Variants in ADAMDEC1 observed in about 807,000 individuals in gnomAD.
ADAMDEC1 encodes the protein ADAM like decysin 1.
A neutral mutation model predicts 60.4 loss-of-function variants in ADAMDEC1; 62 were observed. The ratio of observed to expected loss-of-function variants is 1.03; its 90% CI spans 0.84 to 1.27. The LOEUF (loss-of-function observed/expected upper bound fraction) is 1.27. Among genes scored for constraint, ADAMDEC1 ranks in the 50% most tolerant of loss-of-function variants. The probability of loss-of-function intolerance (pLI) is 0.00; values close to 1 mark genes in which losing one functional copy is unlikely to be tolerated. For missense variants in ADAMDEC1, 595 were observed against 565.0 expected (o/e 1.05, Z -0.54); for synonymous variants, 210 against 195.1 (o/e 1.08, Z -0.64).
intron 5 of ADAMDEC1, among the ~76,000 whole-genome samples, chr8:24,396,281 C>T (rs768093277): frequency 9.2e-5 from 14 of 152,076 alleles, no homozygotes; most frequent in Non-Finnish European, 5.9e-5. Context: ...GAGGGCGAGG[C>T]GGGCAGATCA....
rs375249809 is a variant in ADAMDEC1, at chr8:24,402,046, A to T, written c.1274A>T (p.Asn425Ile). ...ATAATGACAACACCAGTGTGTGGGA[A>T]CCACCTTCTAGAAGTGGGAGAAGAC... ...TNIMTTPVCG[N>I]HLLEVGEDCD... Residue 425 changes from asparagine to isoleucine, a missense_variant, in exon 12 of 14, where the codon AAC (asparagine) becomes ATC (isoleucine). Physicochemically the swap from Asn to Ile is moderately radical, Grantham distance 149. Transcript: ENST00000256412. The T allele has an allele frequency of 1.2e-4, 192 of 1,612,844 alleles. No individual in the cohort carries two copies. Among genetic ancestry groups the T allele is most frequent in the Non-Finnish European group, 1.6e-4 (186 of 1,179,256 alleles).
At chr8:24,386,347 T>G (rs77622357) in intron 1 of ADAMDEC1, among the ~76,000 whole-genome samples, 3,553 of 152,322 alleles carry the variant, frequency 0.023, 136 homozygotes, top group African/African-American at 0.082. Context: ...TACCATCATT[T>G]TTAACAGTGC....
rs750384295 is a variant in ADAMDEC1 at position 24,397,334 on chromosome 8, G to A, written c.505G>A (p.Glu169Lys). ...IKPLKSTDEK[E>K]HAVFTSNQEE... is the part of the protein sequence containing the mutation. Reference sequence around the variant, plus strand: ...ACCTCTGAAAAGCACAGACGAGAAAGAACATGCCGTCTTTACATCTAACCA... The same window carrying A: ...ACCTCTGAAAAGCACAGACGAGAAAAAACATGCCGTCTTTACATCTAACCA... Residue 169 changes from glutamate (E) to lysine (K), a missense_variant, in exon 6 of 14, where the codon GAA becomes AAA. Glu to Lys is a moderately conservative substitution (Grantham distance 56, BLOSUM62 1). Transcript: ENST00000256412. 28 of 1,613,894 alleles carry A rather than the reference G, an allele frequency of 1.7e-5. No individual in the cohort carries two copies. The East Asian group carries it at 6.0e-4, about 35-fold the overall frequency.
intron 10 of ADAMDEC1, 134 bp downstream of exon 10, chr8:24,399,608 G>T: frequency 1.3e-6 from 1 of 789,884 alleles, no homozygotes; most frequent in Non-Finnish European, 2.2e-6. Context: ...CTACTGGTAG[G>T]TCATTGCACT....
chr8:24,391,076 C>T (rs1817434363), intron 1 of ADAMDEC1, among the ~76,000 whole-genome samples: 1 of 152,152 alleles, frequency 6.6e-6, no homozygotes, highest in Non-Finnish European at 1.5e-5. Flanking sequence ...TTCTAGATTT[C>T]CTGTTTTAGT....
rs1170780623 is a variant in ADAMDEC1, at chr8:24,394,123, A to T, written c.339A>T (p.Glu113Asp). The change falls in exon 4 of 14, where the codon GAA becomes GAT. Residue 113 changes from glutamate (E) to aspartate (D), a missense_variant. Coordinates refer to ENST00000256412, the MANE Select transcript of ADAMDEC1 (RefSeq NM_014479.3). ...CATTGTACTCACCCAGAGGAGAGGA[A>T]ATTACCACGAAACCTGAGAACATGG... ...TETLYSPRGE[E>D]ITTKPENMEH... The T allele has an allele frequency of 6.2e-7, 1 of 1,613,066 alleles. No homozygotes were observed. Among genetic ancestry groups the T allele is most frequent in the South Asian group, 1.1e-5 (1 of 91,054 alleles).
chr8:24,392,886 G>GTTTTTTTTTTT (rs34415946), intron 2 of ADAMDEC1, among the ~76,000 whole-genome samples: 2 of 50,384 alleles, frequency 4.0e-5, no homozygotes, highest in Non-Finnish European at 8.3e-5. Context: ...GGGTTGAGAG[G>GTTTTTTTTTTT]TTTTTTTTTT....
intron 13 of ADAMDEC1, 74 bp downstream of exon 13, chr8:24,404,162 G>A: frequency 3.0e-6 from 4 of 1,344,612 alleles, no homozygotes; most frequent in Non-Finnish European, 4.2e-6. Flanking sequence ...ATATGCCACT[G>A]GGTTCCATAA....
chr8:24,397,737 A>G lies in ADAMDEC1; in HGVS notation c.682A>G (p.Asn228Asp), dbSNP rs775171847. ...CATTGATCTCTATTTGGTGCTGGATAATGCCTTTGTGAGTATGAAACACAC... is the reference window on the plus strand; with the variant it reads ...CATTGATCTCTATTTGGTGCTGGATGATGCCTTTGTGAGTATGAAACACAC... ...KYIDLYLVLD[N>D]AFYKNYNENL... Residue 228 changes from asparagine (N) to aspartate (D), a missense_variant, in exon 7 of 14, where the codon AAT becomes GAT. Physicochemically the swap from Asn to Asp is conservative, Grantham distance 23 (BLOSUM62 1). Coordinates refer to ENST00000256412, the MANE Select transcript of ADAMDEC1 (RefSeq NM_014479.3). 1 of 1,613,140 alleles carries G rather than the reference A, an allele frequency of 6.2e-7. No individual in the cohort carries two copies. Among genetic ancestry groups the G allele is most frequent in the Non-Finnish European group, 8.5e-7 (1 of 1,179,518 alleles).
At chr8:24,401,859 C>T in intron 11 of ADAMDEC1, 56 bp from the exon 12 acceptor site, 1 of 1,309,616 alleles carries the variant, frequency 7.6e-7, no homozygotes, top group Non-Finnish European at 1.1e-6. Flanking sequence ...TTCTGTGTTT[C>T]ACGCAGAAGG....
At chr8:24,396,647 T>TA (rs891748548) in intron 5 of ADAMDEC1, among the ~76,000 whole-genome samples, 70 of 149,814 alleles carry the variant, frequency 4.7e-4, no homozygotes, top group East Asian at 9.7e-4. Context: ...AGCATTGAAA[T>TA]AAAAAAAAAA....
At position 24,392,264 on chromosome 8, in the gene ADAMDEC1, A is replaced by T. The variant is rs772500890; in HGVS notation, c.91A>T (p.Ile31Leu). 1.3e-6 allele frequency: 2 copies of T among 1,595,220 alleles called. No individual in the cohort carries two copies. Among genetic ancestry groups the T allele is most frequent in the East Asian group, 4.5e-5 (2 of 44,654 alleles). Residue 31 changes from isoleucine to leucine, a missense_variant and splice_region_variant, in exon 2 of 14, where the codon ATA becomes TTA. Ile to Leu is a conservative substitution (Grantham distance 5, BLOSUM62 2). Coordinates refer to ENST00000256412, the MANE Select transcript of ADAMDEC1 (RefSeq NM_014479.3). ...VLWLIVQTQA[I>L]AIKQTPELTL... ...GAATATTATTTCTCTTTCTCTAGCA[A>T]TAGCCATAAAGCAAACACCTGAATT...
At position 24,399,440 on chromosome 8, in the gene ADAMDEC1, C is replaced by T; in HGVS notation, c.977C>T (p.Ser326Phe). The T allele has an allele frequency of 1.2e-6, 2 of 1,613,860 alleles. No individual in the cohort carries two copies. The highest frequency in any genetic ancestry group is 1.3e-5 in the African/African-American group (1 of 74,986). ...NRRVGLAASN[S>F]LCSPSSVAVI... ...CGTGTGGGACTGGCAGCTTCAAATT[C>T]CTTGTGTTCCCCATCTTCGGTTGCT... The change falls in exon 10 of 14, where the codon TCC (serine) becomes TTC (phenylalanine). Residue 326 changes from serine (S) to phenylalanine (F), a missense_variant. Coordinates refer to ENST00000256412, the MANE Select transcript of ADAMDEC1 (RefSeq NM_014479.3).
chr8:24,389,443 C>G (rs1400018600), intron 1 of ADAMDEC1, among the ~76,000 whole-genome samples: 1 of 152,136 alleles, frequency 6.6e-6, no homozygotes, highest in African/African-American at 2.4e-5. Context: ...CCACTTTCAT[C>G]TAAGTCACCA....
At chr8:24,392,474 T>TTACATA in intron 2 of ADAMDEC1, 94 bp downstream of exon 2, 5 of 898,760 alleles carry the variant, frequency 5.6e-6, no homozygotes, top group Non-Finnish European at 8.5e-6. Context: ...ACAGTTACTA[T>TTACATA]GTAATAGTTT....
intron 12 of ADAMDEC1, among the ~76,000 whole-genome samples, chr8:24,403,449 C>T (rs930147203): frequency 5.9e-5 from 9 of 151,826 alleles, no homozygotes; most frequent in African/African-American, 1.5e-4. Context: ...CTTGACAATG[C>T]GTTTTAATGT....
rs1322388162 is a variant in ADAMDEC1 at position 24,397,424 on chromosome 8, A to G, written c.595A>G (p.Ile199Val). Residue 199 changes from isoleucine (I) to valine (V), a missense_variant, in exon 6 of 14, where the codon ATT (isoleucine) becomes GTT (valine). Ile to Val is a conservative substitution (Grantham distance 29, BLOSUM62 3). Coordinates refer to ENST00000256412, the MANE Select transcript of ADAMDEC1 (RefSeq NM_014479.3). ...GAGCACTGACGGGAAACAAGGCCCA[A>G]TTCGAATCTCTAGATCACTCAAAAG... Reference protein sequence around the residue: ...VKSTDGKQGPIRISRSLKSPE... With the variant: ...VKSTDGKQGPVRISRSLKSPE... 4.3e-6 allele frequency: 7 copies of G among 1,613,872 alleles called. No homozygotes were observed. Among genetic ancestry groups the G allele is most frequent in the South Asian group, 1.1e-5 (1 of 91,078 alleles).
At chr8:24,398,698 A>C (rs1162084322) in intron 8 of ADAMDEC1, 147 bp downstream of exon 8, 2 of 921,836 alleles carry the variant, frequency 2.2e-6, no homozygotes, top group East Asian at 2.5e-5. Flanking sequence ...ACAAGCATCA[A>C]CATCAAGGTG....
chr8:24,390,336 C>A lies in ADAMDEC1; in HGVS notation c.89-1926C>A, dbSNP rs188210176. On this transcript the variant is annotated intron_variant, in intron 1 of 13. Coordinates refer to ENST00000256412, the MANE Select transcript of ADAMDEC1 (RefSeq NM_014479.3). Reference sequence around the variant, plus strand: ...AGTTAAAATAAGAGTATAATATTGACCCAATGTCTCCATTTTTAAAATACA... The same window carrying A: ...AGTTAAAATAAGAGTATAATATTGAACCAATGTCTCCATTTTTAAAATACA... The A allele has an allele frequency of 7.7e-5, 27 of 352,124 alleles. 1 individual carries two copies. In the East Asian group the frequency reaches 2.3e-3, roughly 30 times the overall value. The allele number at this position is 352,124 out of a possible 1,614,324, so 21.8% of individuals were successfully genotyped here. A position where few individuals can be genotyped will look rare whatever the true frequency, so the allele number is the denominator to read the frequency against.
Sources: gnomAD v4.1 joint callset for allele counts (sites outside exome capture counted in the v4.1 genomes callset) on GRCh38, gnomAD v4.1.1 for gene constraint, MANE v1.5 for transcripts, NCBI Gene and HGNC (gene_info 2026-07-23, HGNC 2026-07-21) for gene names.